The following LYPD6 variants were observed in gnomAD, a reference collection of about 807,000 sequenced individuals.
LYPD6 encodes the protein LY6/PLAUR domain containing 6.
LYPD6 carries 15 observed loss-of-function variants against 22.7 expected under a neutral mutation model. The ratio of observed to expected loss-of-function variants is 0.66; its 90% CI spans 0.44 to 1.02. LYPD6 has a LOEUF of 1.02. Among genes scored for constraint, LYPD6 ranks in the 50% least tolerant of loss-of-function variants. The probability of loss-of-function intolerance (pLI) is 0.00; values close to 1 mark genes in which losing one functional copy is unlikely to be tolerated. For synonymous variants in LYPD6, 72 were observed against 77.5 expected (o/e 0.93, Z 0.37); for missense variants, 189 against 208.4 (o/e 0.91, Z 0.57).
Position 149,437,741 on chromosome 2 carries a change from G to T in LYPD6, c.33G>T (p.Leu11=). 3.7e-6 allele frequency: 6 copies of T among 1,614,144 alleles called. No individual in the cohort carries two copies. The highest frequency in any genetic ancestry group is 5.1e-6 in the Non-Finnish European group (6 of 1,180,028). Residue 11 remains leucine (L), a synonymous_variant, in exon 2 of 5, where the codon CTG becomes CTT. Coordinates refer to ENST00000334166, the MANE Select transcript of LYPD6 (RefSeq NM_194317.5). ...CTGGCCCTGCTCTGGCCTGGCTCCT[G>T]CTCCTGAGCCTGCTGGCGGATTGTC... MEPGPALAWL[L]LLSLLADCLK...
At chr2:149,454,581 A>G (rs1419411926) in intron 3 of LYPD6, among the ~76,000 whole-genome samples, 2 of 152,120 alleles carry the variant, frequency 1.3e-5, no homozygotes, top group South Asian at 2.1e-4. Context: ...ACGTGTTCAT[A>G]TGCGTTTCTG....
At chr2:149,420,700 A>G (rs1683059433) in intron 1 of LYPD6, among the ~76,000 whole-genome samples, 2 of 152,178 alleles carry the variant, frequency 1.3e-5, no homozygotes. Context: ...GGGCCTGCCT[A>G]CTTCCTTTCC....
At chr2:149,456,313 A>T (rs138054838) in intron 3 of LYPD6, among the ~76,000 whole-genome samples, 1 of 152,258 alleles carries the variant, frequency 6.6e-6, no homozygotes, top group African/African-American at 2.4e-5. Context: ...CAAATAGTAA[A>T]TAGCATGATG....
At chr2:149,412,614 A>G (rs144745090) in intron 1 of LYPD6, among the ~76,000 whole-genome samples, 22 of 152,318 alleles carry the variant, frequency 1.4e-4, no homozygotes, top group Admixed American at 9.2e-4. Context: ...CAGCATAAAC[A>G]TAGCATCTAA....
At chr2:149,409,898 AG>A (rs1373066604) in intron 1 of LYPD6, among the ~76,000 whole-genome samples, 4 of 152,078 alleles carry the variant, frequency 2.6e-5, no homozygotes, top group Non-Finnish European at 5.9e-5. Context: ...TCAGCATCTT[AG>A]GGGGCCTGCA....
At chr2:149,361,441 T>C (rs1279977626) in intron 1 of LYPD6, among the ~76,000 whole-genome samples, 1 of 152,192 alleles carries the variant, frequency 6.6e-6, no homozygotes, top group African/African-American at 2.4e-5. Flanking sequence ...ATAATCAGCT[T>C]GAAATAATCT....
chr2:149,419,651 T>G (rs1309548456), intron 1 of LYPD6, among the ~76,000 whole-genome samples: 2 of 152,214 alleles, frequency 1.3e-5, no homozygotes, highest in African/African-American at 4.8e-5. Flanking sequence ...GTAGCATTTA[T>G]CCTCACTACC....
Position 149,411,759 on chromosome 2 carries a change from T to C in LYPD6, c.-71-25879T>C, listed in dbSNP as rs145041488. ...ACAATTCAAACAGTATAGAGAAATA[T>C]AAAATGAAAAGTTTAAAACCTCCCT... On this transcript the variant is annotated intron_variant, in intron 1 of 4. Coordinates refer to ENST00000334166, the MANE Select transcript of LYPD6 (RefSeq NM_194317.5). 5.3e-5 allele frequency among the ~76,000 whole-genome samples: 8 copies of C among 152,276 alleles called. No homozygotes were observed. The East Asian group carries it at 1.5e-3, about 29-fold the overall frequency.
At chr2:149,448,492 C>T (rs940113592) in intron 2 of LYPD6, among the ~76,000 whole-genome samples, 22 of 152,184 alleles carry the variant, frequency 1.4e-4, no homozygotes, top group African/African-American at 5.1e-4. Flanking sequence ...ATTTCAGTAA[C>T]ACAAGGGTTC....
chr2:149,334,643 C>T (rs927592762), intron 1 of LYPD6, among the ~76,000 whole-genome samples: 3 of 152,070 alleles, frequency 2.0e-5, no homozygotes, highest in African/African-American at 7.2e-5. Flanking sequence ...CTTGGGGGCT[C>T]CAGTCAGGGG....
At chr2:149,352,190 C>A (rs1485578301) in intron 1 of LYPD6, among the ~76,000 whole-genome samples, 1 of 152,070 alleles carries the variant, frequency 6.6e-6, no homozygotes, top group Non-Finnish European at 1.5e-5. Context: ...TAAGGTAGAT[C>A]CCCAATGAGT....
intron 3 of LYPD6, among the ~76,000 whole-genome samples, chr2:149,461,231 A>G (rs558308022): frequency 7.9e-5 from 12 of 152,122 alleles, no homozygotes; most frequent in Non-Finnish European, 1.6e-4. Flanking sequence ...GGAGAAAAAC[A>G]TTAAGGTACT....
chr2:149,435,740 C>T (rs756182978), intron 1 of LYPD6, among the ~76,000 whole-genome samples: 5 of 152,188 alleles, frequency 3.3e-5, no homozygotes, highest in African/African-American at 4.8e-5. Flanking sequence ...TTGAGTGGCC[C>T]ATTCTCTTCC....
the LYPD6 span, among the ~76,000 whole-genome samples, chr2:149,482,644 A>G: frequency 3.9e-5 from 6 of 152,304 alleles, no homozygotes; most frequent in African/African-American, 1.4e-4. Flanking sequence ...AGCTAGGGTC[A>G]GTTTCTGTTG....
chr2:149,478,967 C>T (rs1681482313), downstream of LYPD6, among the ~76,000 whole-genome samples: 1 of 152,140 alleles, frequency 6.6e-6, no homozygotes, highest in South Asian at 2.1e-4. Flanking sequence ...TTAGTACCCT[C>T]TACAGCCAAA....
intron 1 of LYPD6, among the ~76,000 whole-genome samples, chr2:149,363,122 G>A (rs186933790): frequency 1.3e-5 from 2 of 152,244 alleles, no homozygotes; most frequent in East Asian, 3.9e-4. Flanking sequence ...ACTATGCCAA[G>A]GTGCCATATT....
At chr2:149,421,509 G>A (rs1683079121) in intron 1 of LYPD6, among the ~76,000 whole-genome samples, 1 of 151,548 alleles carries the variant, frequency 6.6e-6, no homozygotes, top group Non-Finnish European at 1.5e-5. Flanking sequence ...ATTACAGAAA[G>A]CACCTATGGA....
At chr2:149,429,651 C>A (rs954641755) in intron 1 of LYPD6, among the ~76,000 whole-genome samples, 4 of 152,226 alleles carry the variant, frequency 2.6e-5, no homozygotes, top group Admixed American at 6.5e-5. Context: ...AAGCCAGTAA[C>A]AATCATTTTA....
chr2:149,398,161 C>T (rs1372717403), intron 1 of LYPD6, among the ~76,000 whole-genome samples: 6 of 152,100 alleles, frequency 3.9e-5, no homozygotes, highest in Admixed American at 2.0e-4. Context: ...TGGTACTGGA[C>T]GAGCTCTTTC....
Sources: allele counts gnomAD v4.1 joint callset (sites outside exome capture counted in the v4.1 genomes callset), GRCh38; gene constraint gnomAD v4.1.1; transcripts MANE v1.5; gene names NCBI Gene and HGNC (gene_info 2026-07-23, HGNC 2026-07-21).